HDAC4: variants seen among roughly 807,000 people sequenced by gnomAD.
HDAC4 encodes histone deacetylase 4.
In HDAC4, 16 loss-of-function variants were observed where a neutral mutation model predicts 135.1. The observed-to-expected ratio is 0.12, with a 90% CI of 0.08 to 0.18. The LOEUF (loss-of-function observed/expected upper bound fraction) is 0.18. Ranked by LOEUF, HDAC4 falls within the 10% of genes least tolerant of loss-of-function variation. The pLI, the probability that HDAC4 is intolerant of heterozygous loss-of-function variation, is 1.00. For missense variants in HDAC4, 1,143 were observed against 1,511.8 expected (o/e 0.76, Z 4.05); for synonymous variants, 685 against 653.4 (o/e 1.05, Z -0.74).
At chr2:239,164,099 A>T (rs2290089) in intron 5 of HDAC4, among the ~76,000 whole-genome samples, 176 bp from the exon 6 acceptor site, 1 of 151,886 alleles carries the variant, frequency 6.6e-6, no homozygotes, top group Non-Finnish European at 1.5e-5. Context: ...TTTTAATGAG[A>T]GGTTTTCTTC....
chr2:239,249,206 C>G (rs2048637956), intron 2 of HDAC4, among the ~76,000 whole-genome samples: 1 of 152,116 alleles, frequency 6.6e-6, no homozygotes, highest in South Asian at 2.1e-4. Context: ...GGGGAACAAG[C>G]CTGGGGGTTC....
At chr2:239,181,614 C>T (rs112751254) in intron 4 of HDAC4, among the ~76,000 whole-genome samples, 33 of 152,250 alleles carry the variant, frequency 2.2e-4, no homozygotes, top group South Asian at 2.1e-4. Context: ...ATCAGGGCAG[C>T]GCTGGCCTCC....
chr2:239,148,041 G>T (rs561136457), intron 7 of HDAC4, among the ~76,000 whole-genome samples: 1 of 152,210 alleles, frequency 6.6e-6, no homozygotes, highest in Non-Finnish European at 1.5e-5. Flanking sequence ...GTGGAGGGCG[G>T]TTTCTTTGTG....
intron 1 of HDAC4, among the ~76,000 whole-genome samples, chr2:239,389,106 T>C (rs1460143776): frequency 2.6e-5 from 4 of 152,204 alleles, no homozygotes; most frequent in African/African-American, 9.6e-5. Flanking sequence ...CAATCAGCAC[T>C]CTGTAAAAAT....
At chr2:239,142,950 C>G (rs1359606254) in intron 8 of HDAC4, among the ~76,000 whole-genome samples, 4 of 148,122 alleles carry the variant, frequency 2.7e-5, no homozygotes, top group African/African-American at 7.5e-5. Flanking sequence ...GCACTGATCA[C>G]GCCCTGTGAC....
chr2:239,338,978 A>G (rs527792954), intron 2 of HDAC4, among the ~76,000 whole-genome samples: 1 of 152,352 alleles, frequency 6.6e-6, no homozygotes. Context: ...GTATCCAAAG[A>G]AACTGTGAAG....
chr2:239,083,089 G>GC (rs2035513384), intron 20 of HDAC4, among the ~76,000 whole-genome samples: 2 of 152,352 alleles, frequency 1.3e-5, no homozygotes, highest in East Asian at 3.9e-4. Flanking sequence ...CTGTGAAGAC[G>GC]CACATGGAGG....
intron 4 of HDAC4, among the ~76,000 whole-genome samples, chr2:239,181,314 C>T (rs1231454240): frequency 6.6e-6 from 1 of 152,204 alleles, no homozygotes; most frequent in Non-Finnish European, 1.5e-5. Flanking sequence ...AAGACCCTAC[C>T]CAGGCAGGTG....
chr2:239,394,596 T>C (rs1696443031), intron 1 of HDAC4, among the ~76,000 whole-genome samples: 1 of 152,212 alleles, frequency 6.6e-6, no homozygotes, highest in African/African-American at 2.4e-5. Context: ...CACTTGCATT[T>C]ATGACATCTC....
At chr2:239,336,933 G>A (rs1182318295) in intron 2 of HDAC4, among the ~76,000 whole-genome samples, 1 of 152,164 alleles carries the variant, frequency 6.6e-6, no homozygotes, top group Non-Finnish European at 1.5e-5. Context: ...GATCCCTCCT[G>A]GTGGTGACAG....
At chr2:239,187,406 A>C (rs543149300) in intron 4 of HDAC4, among the ~76,000 whole-genome samples, 1 of 152,208 alleles carries the variant, frequency 6.6e-6, no homozygotes, top group Non-Finnish European at 1.5e-5. Flanking sequence ...AAACTAAATA[A>C]AACGAGTGGC....
intron 2 of HDAC4, among the ~76,000 whole-genome samples, chr2:239,314,792 C>T (rs556111103): frequency 1.2e-4 from 19 of 152,304 alleles, no homozygotes; most frequent in Admixed American, 9.8e-4. Context: ...TATGCTAACA[C>T]ACATCTGTAA....
chr2:239,106,746 C>A (rs1006929043), intron 15 of HDAC4, among the ~76,000 whole-genome samples: 1 of 147,460 alleles, frequency 6.8e-6, no homozygotes, highest in South Asian at 2.2e-4. Context: ...TAAAGGAGGG[C>A]AGGCGAACCT....
intron 2 of HDAC4, among the ~76,000 whole-genome samples, chr2:239,310,593 C>G (rs956049860): frequency 6.6e-6 from 1 of 152,236 alleles, no homozygotes; most frequent in Non-Finnish European, 1.5e-5. Flanking sequence ...CAAGGGCAGA[C>G]CCAGGCTGGC....
intron 12 of HDAC4, among the ~76,000 whole-genome samples, chr2:239,123,257 G>A (rs1051706071): frequency 6.6e-6 from 1 of 152,244 alleles, no homozygotes; most frequent in Non-Finnish European, 1.5e-5. Context: ...ACACCTGGGA[G>A]TAAAGATGCC....
At chr2:239,063,277 T>C (rs2033036951) in intron 24 of HDAC4, among the ~76,000 whole-genome samples, 1 of 151,862 alleles carries the variant, frequency 6.6e-6, no homozygotes, top group African/African-American at 2.4e-5. Context: ...CTCGGCTCAC[T>C]GCAGGCTCCG....
At chr2:239,221,854 T>C (rs957906009) in intron 3 of HDAC4, among the ~76,000 whole-genome samples, 3 of 152,240 alleles carry the variant, frequency 2.0e-5, no homozygotes, top group African/African-American at 4.8e-5. Flanking sequence ...GCCGAAACTA[T>C]TGAAGCTATC....
intron 2 of HDAC4, among the ~76,000 whole-genome samples, chr2:239,339,884 G>A (rs901978751): frequency 1.3e-5 from 2 of 152,218 alleles, no homozygotes; most frequent in South Asian, 2.1e-4. Flanking sequence ...CAAGGAAACC[G>A]CAGCCAAGAA....
rs556426634 is a variant in HDAC4, at chr2:239,160,720, C to T, written c.611+3083G>A. ...GCGTGTGCAGGGGCCCCAGTTTGCG[C>T]GGCCGTTCCCCTGTTGATAGCTTGG... On this transcript the variant is annotated intron_variant, in intron 6 of 26. Coordinates refer to ENST00000543185, the MANE Select transcript of HDAC4 (RefSeq NM_001378414.1). Among the ~76,000 whole-genome samples, 13 of 152,364 alleles carry T rather than the reference C, an allele frequency of 8.5e-5. No individual in the cohort carries two copies. The South Asian group carries it at 1.4e-3, about 17-fold the overall frequency.
Sources: gnomAD v4.1 joint callset for allele counts (sites outside exome capture counted in the v4.1 genomes callset) on GRCh38, gnomAD v4.1.1 for gene constraint, MANE v1.5 for transcripts, NCBI Gene and HGNC (gene_info 2026-07-23, HGNC 2026-07-21) for gene names.